The following BCL2L1 variants were observed in gnomAD, a reference collection of about 807,000 sequenced individuals.
BCL2L1 encodes bcl-2-like protein 1.
Under a neutral mutation model 18.7 loss-of-function variants are expected in BCL2L1, and 1 was observed. The observed-to-expected ratio is 0.05, with a 90% CI of 0.02 to 0.25. The LOEUF (loss-of-function observed/expected upper bound fraction) is 0.25. Ranked by LOEUF, BCL2L1 falls within the 10% of genes least tolerant of loss-of-function variation. BCL2L1 has a pLI of 1.00. For missense variants in BCL2L1, 207 were observed against 304.9 expected (o/e 0.68, Z 2.39); for synonymous variants, 103 against 122.7 (o/e 0.84, Z 1.06).
In BCL2L1 at chr20:31,691,152, C is replaced by CAA. The variant is rs539012918; in HGVS notation, c.565-25068_565-25067dup. The stretch of plus-strand genomic sequence containing the variant: ...TGGGCAACAGGGCGAGACTCTGTCT[C>CAA]AAAAAAAAAAAAAAAAAAAAAAAAA... On this transcript the variant is annotated intron_variant, in intron 2 of 2. Transcript: ENST00000307677. Among the ~76,000 whole-genome samples the CAA allele has an allele frequency of 9.3e-4, 23 of 24,850 alleles. 4 individuals are homozygous for CAA. The highest frequency in any genetic ancestry group is 1.4e-3 in the Non-Finnish European group (19 of 13,168). The allele number at this position is 24,850 out of a possible 152,430, so 16.3% of individuals were successfully genotyped here.
At position 31,669,734 on chromosome 20, in the gene BCL2L1, G is replaced by A. The variant is rs6088932; in HGVS notation, c.565-3648C>T. Among the ~76,000 whole-genome samples, 1,025 of 151,886 alleles carry A rather than the reference G, an allele frequency of 6.7e-3. 9 individuals carry two copies. Among genetic ancestry groups the A allele is most frequent in the Non-Finnish European group, 0.011 (779 of 67,968 alleles). ...ATTATAGGCGTGAGCCACTGCCCTCGGCCTATACTAGATGTGTCTTGATGA... is the reference window on the plus strand; with the variant it reads ...ATTATAGGCGTGAGCCACTGCCCTCAGCCTATACTAGATGTGTCTTGATGA... On this transcript the variant is annotated intron_variant, in intron 2 of 2. Transcript: ENST00000307677.
upstream of BCL2L1, chr20:31,723,450 C>G (rs932344719): frequency 1.0e-6 from 1 of 985,322 alleles, no homozygotes; most frequent in African/African-American, 1.7e-5. Flanking sequence ...CCCGGGAGGG[C>G]TCCGGGGCCG....
chr20:31,721,035 G>A (rs2061617551), intron 2 of BCL2L1: 2 of 944,012 alleles, frequency 2.1e-6, no homozygotes, highest in Non-Finnish European at 2.5e-6. Flanking sequence ...AGGGGGCGCA[G>A]TGCAAACACA....
intron 2 of BCL2L1, among the ~76,000 whole-genome samples, chr20:31,714,068 A>G (rs2061490886): frequency 1.3e-5 from 2 of 152,252 alleles, no homozygotes; most frequent in Non-Finnish European, 2.9e-5. Context: ...TTGTGGGCTC[A>G]GTGATAAACT....
chr20:31,723,163 C>G, upstream of BCL2L1: 1 of 466,532 alleles, frequency 2.1e-6, no homozygotes, highest in Non-Finnish European at 2.8e-6. Context: ...AAGGCCACCC[C>G]CAGGCCTGTC....
intron 2 of BCL2L1, among the ~76,000 whole-genome samples, chr20:31,705,375 C>A (rs577473904): frequency 6.6e-6 from 1 of 152,264 alleles, no homozygotes; most frequent in East Asian, 1.9e-4. Flanking sequence ...TTATTATCCC[C>A]ATTTTTCAGA....
intron 2 of BCL2L1, among the ~76,000 whole-genome samples, chr20:31,672,221 T>A (rs917873372): frequency 3.3e-5 from 5 of 151,828 alleles, no homozygotes; most frequent in African/African-American, 1.2e-4. Flanking sequence ...TCCCAGCACT[T>A]TGGGAGGCCG....
chr20:31,721,874 G>C lies in BCL2L1; in HGVS notation c.345C>G (p.Thr115=), dbSNP rs148962546. 1.2e-6 allele frequency: 2 copies of C among 1,614,086 alleles called. No individual in the cohort carries two copies. Among genetic ancestry groups the C allele is most frequent in the African/African-American group, 2.7e-5 (2 of 74,924 alleles). Reference sequence around the variant, plus strand: ...CAAAGCTCTGATATGCTGTCCCTGGGGTGATGTGGAGCTGGGATGTCAGGT... The same window carrying C: ...CAAAGCTCTGATATGCTGTCCCTGGCGTGATGTGGAGCTGGGATGTCAGGT... ...FSDLTSQLHI[T]PGTAYQSFEQ... Residue 115 remains threonine, a synonymous_variant, in exon 2 of 3, where the codon ACC becomes ACG. Transcript: ENST00000307677.
At chr20:31,689,270 G>GGGAAGGGTAGGGGAGGCGAGGGGAGA in intron 2 of BCL2L1, among the ~76,000 whole-genome samples, 1 of 240 alleles carries the variant, frequency 4.2e-3, no homozygotes. Flanking sequence ...GGAAGGGGAG[G>GGGAAGGGTAGGGGAGGCGAGGGGAGA]GGGAGGGCAG....
At chr20:31,685,967 T>C (rs1411540224) in intron 2 of BCL2L1, among the ~76,000 whole-genome samples, 2 of 152,282 alleles carry the variant, frequency 1.3e-5, no homozygotes, top group African/African-American at 2.4e-5. Context: ...CTCCCTTACA[T>C]TGTTCACCCA....
chr20:31,673,745 T>G (rs966955955), intron 2 of BCL2L1, among the ~76,000 whole-genome samples: 1 of 152,236 alleles, frequency 6.6e-6, no homozygotes, highest in Non-Finnish European at 1.5e-5. Context: ...TGCTGGGCAC[T>G]GAGCTATAAA....
At position 31,713,510 on chromosome 20, in the gene BCL2L1, G is replaced by T. The variant is rs952294968; in HGVS notation, c.564+8145C>A. On this transcript the variant is annotated intron_variant, in intron 2 of 2. Transcript: ENST00000307677. ...CAATGGCATTTCCTGAAGAGCTGGAGAAAAACCTCCAGTTCCGAGGGGAGC... is the reference window on the plus strand; with the variant it reads ...CAATGGCATTTCCTGAAGAGCTGGATAAAAACCTCCAGTTCCGAGGGGAGC... 9.1e-6 allele frequency: 9 copies of T among 985,210 alleles called. No individual in the cohort carries two copies. In the African/African-American group the frequency reaches 1.4e-4, roughly 15 times the overall value. The allele number at this position is 985,210 out of a possible 1,614,324, so 61.0% of individuals were successfully genotyped here. A position where few individuals can be genotyped will look rare whatever the true frequency, so the allele number is the denominator to read the frequency against.
At chr20:31,718,938 A>G (rs1373130828) in intron 2 of BCL2L1, among the ~76,000 whole-genome samples, 1 of 152,224 alleles carries the variant, frequency 6.6e-6, no homozygotes, top group Non-Finnish European at 1.5e-5. Context: ...CTCCCTGGAC[A>G]ACTTGATAGG....
chr20:31,722,182 GAA>G lies in BCL2L1; in HGVS notation c.35_36del (p.Phe12SerfsTer16), dbSNP rs1452829095. 6.7e-7 allele frequency: 1 copy of G among 1,498,752 alleles called. No homozygotes were observed. Among genetic ancestry groups the G allele is most frequent in the Non-Finnish European group, 8.8e-7 (1 of 1,131,012 alleles). The allele number at this position is 1,498,752 out of a possible 1,614,324, so 92.8% of individuals were successfully genotyped here. A position where few individuals can be genotyped will look rare whatever the true frequency, so the allele number is the denominator to read the frequency against. On this transcript the variant is annotated frameshift_variant, in exon 2 of 3. Transcript: ENST00000307677. LOFTEE classifies it high-confidence loss of function. ...CCTTTCTGGGAAAGCTTGTAGGAGA[GAA>G]AGTCAACCACCAGCTCCCGGTTGCT... ...SQSNRELVVD[F>X]LSYKLSQKGY... is the part of the protein sequence containing the mutation.
At chr20:31,719,900 G>A (rs930623344) in intron 2 of BCL2L1, among the ~76,000 whole-genome samples, 15 of 152,210 alleles carry the variant, frequency 9.9e-5, no homozygotes, top group Non-Finnish European at 2.1e-4. Context: ...CCTACTTGGA[G>A]ATGCCTCAGA....
intron 2 of BCL2L1, among the ~76,000 whole-genome samples, chr20:31,688,027 C>G (rs928179126): frequency 6.6e-6 from 1 of 152,180 alleles, no homozygotes; most frequent in Non-Finnish European, 1.5e-5. Flanking sequence ...AAAAGCCTTC[C>G]TCTTTGAGTA....
chr20:31,709,872 G>C (rs1186202395), intron 2 of BCL2L1, among the ~76,000 whole-genome samples: 1 of 135,614 alleles, frequency 7.4e-6, no homozygotes, highest in Non-Finnish European at 1.6e-5. Context: ...AAAAAGAAGA[G>C]ACAAGGTTTT....
intron 2 of BCL2L1, among the ~76,000 whole-genome samples, chr20:31,681,084 T>G (rs562556797): frequency 1.1e-4 from 17 of 152,166 alleles, no homozygotes; most frequent in African/African-American, 4.1e-4. Flanking sequence ...GTGAGGAGAC[T>G]GGTGGTGATG....
rs560046136 is a variant in BCL2L1 at position 31,697,610 on chromosome 20, T to G, written c.564+24045A>C. Among the ~76,000 whole-genome samples the G allele has an allele frequency of 2.6e-5, 4 of 152,132 alleles. No individual in the cohort carries two copies. In the East Asian group the frequency reaches 7.8e-4, roughly 30 times the overall value. On this transcript the variant is annotated intron_variant, in intron 2 of 2. Coordinates refer to ENST00000307677, the MANE Select transcript of BCL2L1 (RefSeq NM_138578.3). ...CCGCCACCACGCCCGGCTAATTTTT[T>G]GTATTTTTAGTAGAGACGGGGTTTC...
Sources: allele counts gnomAD v4.1 joint callset (sites outside exome capture counted in the v4.1 genomes callset), GRCh38; gene constraint gnomAD v4.1.1; transcripts MANE v1.5; gene names NCBI Gene and HGNC (gene_info 2026-07-23, HGNC 2026-07-21).